The following SCUBE1 variants were observed in gnomAD, a reference collection of about 807,000 sequenced individuals.
SCUBE1 encodes the protein signal peptide, CUB and EGF-like domain-containing protein 1.
In SCUBE1, 59 loss-of-function variants were observed where a neutral mutation model predicts 124.4. The ratio of observed to expected loss-of-function variants is 0.47; its 90% CI spans 0.38 to 0.59. The LOEUF (loss-of-function observed/expected upper bound fraction) is 0.59. SCUBE1 is among the 20% of genes least tolerant of loss of function. The pLI is 0.00. For missense variants in SCUBE1, 1,150 were observed against 1,371.2 expected, an observed-to-expected ratio of 0.84 and a Z score of 2.55; for synonymous variants, 545 against 550.9, an observed-to-expected ratio of 0.99 and a Z score of 0.15.
chr22:43,227,227 C>T, intron 10 of SCUBE1, 147 bp downstream of exon 10: 1 of 965,966 alleles, frequency 1.0e-6, no homozygotes, highest in South Asian at 1.7e-5. Context: ...AGCCATACCC[C>T]AACAGCAGAG....
intron 6 of SCUBE1, 165 bp from the exon 7 acceptor site, chr22:43,239,119 T>C: frequency 3.3e-6 from 2 of 610,782 alleles, no homozygotes; most frequent in South Asian, 4.0e-5. Context: ...GTGCTGCCTC[T>C]CTGAGCCTCA....
intron 7 of SCUBE1, chr22:43,237,630 C>G (rs1219181242): frequency 6.6e-6 from 1 of 152,240 alleles, no homozygotes; most frequent in African/African-American, 2.4e-5. Flanking sequence ...ACTGTTATTT[C>G]TGTCAATAAT....
chr22:43,319,578 AAAG>A (rs1385275524), intron 3 of SCUBE1, among the ~76,000 whole-genome samples: 1 of 151,174 alleles, frequency 6.6e-6, no homozygotes, highest in African/African-American at 2.4e-5. Flanking sequence ...AAAAAAAAAA[AAAG>A]AAGAGGAGAT....
At chr22:43,290,610 C>A (rs5759261) in intron 4 of SCUBE1, among the ~76,000 whole-genome samples, 1 of 152,172 alleles carries the variant, frequency 6.6e-6, no homozygotes, top group Non-Finnish European at 1.5e-5. Flanking sequence ...CCTCTCCTGG[C>A]GGGAAACCCA....
At position 43,210,040 on chromosome 22, in the gene SCUBE1, T is replaced by C; in HGVS notation, c.2581+3A>G. Reference sequence around the variant, plus strand: ...CCTCTGGTCCCCTCGGCCCCCAACATACCACTCTTCCTCATGACCAGAACA... The same window carrying C: ...CCTCTGGTCCCCTCGGCCCCCAACACACCACTCTTCCTCATGACCAGAACA... On this transcript the variant is annotated splice_donor_region_variant and intron_variant, in intron 19 of 21. Transcript: ENST00000360835. This position sits in a 1 kb window ranked among gnomAD's most constrained non-coding sequence, Gnocchi z 4.5. The C allele has an allele frequency of 6.2e-7, 1 of 1,600,792 alleles. No homozygotes were observed. The highest frequency in any genetic ancestry group is 8.5e-7 in the Non-Finnish European group (1 of 1,173,166).
Position 43,343,256 on chromosome 22 carries a change from G to A in SCUBE1, c.6C>T (p.Gly2=), listed in dbSNP as rs984978278. 3.5e-6 allele frequency: 4 copies of A among 1,158,736 alleles called. No individual in the cohort carries two copies. In the South Asian group the frequency reaches 9.9e-5, roughly 29 times the overall value. 71.8% of individuals were successfully genotyped at this position (1,158,736 alleles called of 1,614,324 possible). A position where few individuals can be genotyped will look rare whatever the true frequency, so the allele number is the denominator to read the frequency against. Residue 2 remains glycine, a synonymous_variant, in exon 1 of 22, where the codon GGC becomes GGT. Transcript: ENST00000360835. ...ACAAGTGCCAGCGCACGGCCGCCGC[G>A]CCCATGCTCAATGCGGGCCCCGCTG... is the stretch of plus-strand genomic sequence containing the variant. M[G]AAAVRWHLCV... is the part of the protein sequence containing the mutation.
chr22:43,286,686 C>T (rs1008336843), intron 4 of SCUBE1, among the ~76,000 whole-genome samples: 1 of 152,220 alleles, frequency 6.6e-6, no homozygotes, highest in African/African-American at 2.4e-5. Context: ...AGGACCCCTA[C>T]TTAGCATGTG....
At chr22:43,328,497 A>G (rs1438538424) in intron 2 of SCUBE1, among the ~76,000 whole-genome samples, 2 of 152,198 alleles carry the variant, frequency 1.3e-5, no homozygotes, top group East Asian at 3.9e-4. Flanking sequence ...GGACAATCAC[A>G]AACAAGAAGT....
intron 6 of SCUBE1, among the ~76,000 whole-genome samples, chr22:43,246,580 G>A (rs1157559895): frequency 1.3e-5 from 2 of 152,216 alleles, no homozygotes; most frequent in Non-Finnish European, 2.9e-5. Flanking sequence ...AGAGGGAACT[G>A]GAAGAGCTGC....
chr22:43,278,110 G>A (rs755874863), intron 4 of SCUBE1, among the ~76,000 whole-genome samples: 1 of 152,256 alleles, frequency 6.6e-6, no homozygotes, highest in South Asian at 2.1e-4. Flanking sequence ...TGGAGTGGGA[G>A]GCTCATAAAA....
intron 2 of SCUBE1, among the ~76,000 whole-genome samples, chr22:43,335,647 C>T (rs114657222): frequency 0.019 from 2,859 of 152,242 alleles, 94 homozygotes; most frequent in African/African-American, 0.066. Context: ...ACTATCACCT[C>T]CCAGGTATGC....
At chr22:43,281,511 C>CTG (rs1924878961) in intron 4 of SCUBE1, among the ~76,000 whole-genome samples, 3 of 76,176 alleles carry the variant, frequency 3.9e-5, no homozygotes, top group Non-Finnish European at 2.8e-5. Flanking sequence ...TCACCTCCTC[C>CTG]TCAGCCACCC....
At chr22:43,207,961 T>G (rs1475006376) in intron 20 of SCUBE1, 111 bp downstream of exon 20, 1 of 1,232,500 alleles carries the variant, frequency 8.1e-7, no homozygotes, top group East Asian at 2.3e-5. Flanking sequence ...CTTCCAGGTC[T>G]GTACCTGCCA....
At position 43,200,237 on chromosome 22, in the gene SCUBE1, C is replaced by G. The variant is rs1180969577; in HGVS notation, c.*3760G>C. 6.6e-6 allele frequency: 1 copy of G among 152,324 alleles called. No homozygotes were observed. The highest frequency in any genetic ancestry group is 2.4e-5 in the African/African-American group (1 of 41,474). 9.4% of individuals were successfully genotyped at this position (152,324 alleles called of 1,614,324 possible). On this transcript the variant is annotated 3_prime_UTR_variant, in exon 22 of 22. Coordinates refer to ENST00000360835, the MANE Select transcript of SCUBE1 (RefSeq NM_173050.5). ...ATGGCAGTGCAGGGACTCCCAGCAG[C>G]CCGCTTGCTTCTTGGCTCCTCTCCC...
At chr22:43,221,845 C>T (rs1457280918) in intron 12 of SCUBE1, among the ~76,000 whole-genome samples, 1 of 152,194 alleles carries the variant, frequency 6.6e-6, no homozygotes, top group African/African-American at 2.4e-5. Context: ...AGGCGGATCA[C>T]TTGAGGTCAG....
intron 3 of SCUBE1, among the ~76,000 whole-genome samples, chr22:43,317,282 G>A (rs549815157): frequency 2.7e-4 from 41 of 152,228 alleles, no homozygotes; most frequent in Middle Eastern, 3.4e-3. Context: ...ACCTAATAGG[G>A]GCTAGTCACT....
Position 43,211,085 on chromosome 22 carries a change from T to C in SCUBE1, c.2222-2A>G. 6.2e-7 allele frequency: 1 copy of C among 1,607,458 alleles called. No individual in the cohort carries two copies. Among genetic ancestry groups the C allele is most frequent in the Non-Finnish European group, 8.5e-7 (1 of 1,176,772 alleles). ...AGTGGTGGCCGGGGGAGCAGTGCAC[T>C]GCCGGGGGACACAAGGCAGTGTGGT... On this transcript the variant is annotated splice_acceptor_variant, in intron 17 of 21. Coordinates refer to ENST00000360835, the MANE Select transcript of SCUBE1 (RefSeq NM_173050.5). LOFTEE classifies it high-confidence loss of function. The surrounding 1 kb of genome is among the most constrained non-coding windows in gnomAD (Gnocchi z 4.5).
chr22:43,265,690 G>A (rs1427614909), intron 4 of SCUBE1, among the ~76,000 whole-genome samples: 1 of 152,234 alleles, frequency 6.6e-6, no homozygotes, highest in Non-Finnish European at 1.5e-5. Context: ...CAATTATAAA[G>A]GAGCCCAAAT....
chr22:43,307,933 T>C (rs997970607), intron 3 of SCUBE1, among the ~76,000 whole-genome samples: 4 of 148,994 alleles, frequency 2.7e-5, no homozygotes, highest in African/African-American at 7.4e-5. Context: ...CTGCCCTGAT[T>C]GCTGGGCCAG....
Sources: gnomAD v4.1 joint callset for allele counts (sites outside exome capture counted in the v4.1 genomes callset) on GRCh38, gnomAD v4.1.1 for gene constraint, Gnocchi (gnomAD v3.1) non-coding constraint, MANE v1.5 for transcripts, NCBI Gene and HGNC (gene_info 2026-07-23, HGNC 2026-07-21) for gene names.